Variants in STK3 observed in about 807,000 individuals in gnomAD.
STK3 encodes serine/threonine-protein kinase 3.
In STK3, 41 loss-of-function variants were observed where a neutral mutation model predicts 58.0. The observed-to-expected ratio is 0.71, with a 90% CI of 0.55 to 0.92. The LOEUF is 0.92. Among genes scored for constraint, STK3 ranks in the 40% least tolerant of loss-of-function variants. The pLI is 0.00. For synonymous variants in STK3, 170 were observed against 191.0 expected, an observed-to-expected ratio of 0.89 and a Z score of 0.91; for missense variants, 479 against 602.7, an observed-to-expected ratio of 0.79 and a Z score of 2.15.
intron 7 of STK3, among the ~76,000 whole-genome samples, chr8:98,586,434 C>G (rs916987563): frequency 1.3e-5 from 2 of 150,058 alleles, no homozygotes; most frequent in Non-Finnish European, 3.0e-5. Flanking sequence ...GCCTTGCATC[C>G]CAGGGATGAA....
chr8:98,763,268 C>G lies in STK3; in HGVS notation c.236+3975G>C, dbSNP rs544943489. Among the ~76,000 whole-genome samples, 19 of 152,258 alleles carry G rather than the reference C, an allele frequency of 1.2e-4. 1 individual carries two copies. In the South Asian group the frequency reaches 3.9e-3, roughly 32 times the overall value. ...TACTCATTAAATGTATACTCTGTAC[C>G]TGGTACTGAACTAGGCACTGCACAT... On this transcript the variant is annotated intron_variant, in intron 3 of 10. Transcript: ENST00000419617.
At chr8:98,784,267 C>T (rs1181063844) in intron 1 of STK3, among the ~76,000 whole-genome samples, 1 of 152,228 alleles carries the variant, frequency 6.6e-6, no homozygotes, top group Admixed American at 6.5e-5. Context: ...GCTTCTGGCT[C>T]TGGAGCAGGA....
At chr8:98,724,391 C>T (rs1162826472) in intron 4 of STK3, among the ~76,000 whole-genome samples, 5 of 152,174 alleles carry the variant, frequency 3.3e-5, no homozygotes, top group Admixed American at 3.3e-4. Flanking sequence ...GGGAAAGATA[C>T]ATAAGGCATG....
intron 3 of STK3, among the ~76,000 whole-genome samples, chr8:98,419,819 G>C (rs1818150129): frequency 6.6e-6 from 1 of 152,196 alleles, no homozygotes; most frequent in African/African-American, 2.4e-5. Context: ...CTGTGCAGAG[G>C]TGAAGTCTGC....
chr8:98,834,565 G>T (rs1388350190), intron 3 of STK3, among the ~76,000 whole-genome samples: 1 of 152,324 alleles, frequency 6.6e-6, no homozygotes, highest in African/African-American at 2.4e-5. Context: ...GAGGCTAGGA[G>T]GTCCAAGATC....
chr8:98,919,458 TA>T (rs921027099), intron 1 of STK3, among the ~76,000 whole-genome samples: 10 of 151,120 alleles, frequency 6.6e-5, no homozygotes, highest in African/African-American at 9.7e-5. Context: ...ATCTGAGGTT[TA>T]AAAAAAAATC....
At chr8:98,423,669 C>T (rs961694480) in intron 3 of STK3, among the ~76,000 whole-genome samples, 3 of 152,220 alleles carry the variant, frequency 2.0e-5, no homozygotes, top group African/African-American at 7.2e-5. Flanking sequence ...GAAAGCACCT[C>T]TGTGCTGAAA....
chr8:98,698,281 G>C (rs537514907), intron 6 of STK3, among the ~76,000 whole-genome samples: 3 of 151,628 alleles, frequency 2.0e-5, no homozygotes, highest in South Asian at 2.1e-4. Flanking sequence ...TGGGTTTCCT[G>C]AATACAGCAC....
At chr8:98,607,407 T>C (rs1468671889) in intron 6 of STK3, among the ~76,000 whole-genome samples, 1 of 152,232 alleles carries the variant, frequency 6.6e-6, no homozygotes, top group Non-Finnish European at 1.5e-5. Flanking sequence ...CTAGCACCAA[T>C]GAAGACAGTG....
chr8:98,359,543 A>G, the STK3 span, among the ~76,000 whole-genome samples: 53 of 151,626 alleles, frequency 3.5e-4, no homozygotes, highest in African/African-American at 1.3e-3. Flanking sequence ...AAAAGAAAGA[A>G]AGAAAGAAAA....
At chr8:98,633,487 G>A (rs1412207604) in intron 6 of STK3, 8 of 621,792 alleles carry the variant, frequency 1.3e-5, no homozygotes, top group Non-Finnish European at 1.8e-5. Context: ...AAGGTAGAAC[G>A]ATGGCGGTGG....
At chr8:98,367,966 T>G (rs533728708), downstream of STK3, among the ~76,000 whole-genome samples, 5 of 152,354 alleles carry the variant, frequency 3.3e-5, no homozygotes, top group South Asian at 1.0e-3. Context: ...GTGGGCTGAA[T>G]GCTTTGGTTG....
At chr8:98,652,056 G>A (rs1223994877) in intron 6 of STK3, among the ~76,000 whole-genome samples, 1 of 152,088 alleles carries the variant, frequency 6.6e-6, no homozygotes, top group African/African-American at 2.4e-5. Flanking sequence ...TGAAATGAAG[G>A]AAAAAATGTT....
At chr8:98,421,111 G>T (rs765549554) in intron 3 of STK3, among the ~76,000 whole-genome samples, 1 of 152,198 alleles carries the variant, frequency 6.6e-6, no homozygotes, top group African/African-American at 2.4e-5. Context: ...TGAACGCACC[G>T]GAGGGCCTCA....
At chr8:98,752,539 G>T (rs1354895205) in intron 3 of STK3, among the ~76,000 whole-genome samples, 1 of 151,906 alleles carries the variant, frequency 6.6e-6, no homozygotes, top group Non-Finnish European at 1.5e-5. Flanking sequence ...CAGGACATAG[G>T]CAAAGATTTC....
upstream of STK3, among the ~76,000 whole-genome samples, chr8:98,830,501 G>T (rs1835486746): frequency 6.6e-6 from 1 of 152,158 alleles, no homozygotes; most frequent in Non-Finnish European, 1.5e-5. Flanking sequence ...AAAAAAAAAT[G>T]CTTCAAGCTT....
At chr8:98,599,544 C>A (rs762527395) in intron 6 of STK3, among the ~76,000 whole-genome samples, 3 of 151,968 alleles carry the variant, frequency 2.0e-5, no homozygotes, top group South Asian at 2.1e-4. Flanking sequence ...ATTAAAAAAC[C>A]CTGGCACTCT....
intron 1 of STK3, among the ~76,000 whole-genome samples, chr8:98,898,587 C>T (rs1447567896): frequency 1.3e-5 from 2 of 152,144 alleles, no homozygotes; most frequent in Admixed American, 1.3e-4. Context: ...CAAATACTGA[C>T]AATCAATATA....
chr8:98,792,286 T>C (rs1412088711), intron 1 of STK3, among the ~76,000 whole-genome samples: 2 of 152,140 alleles, frequency 1.3e-5, no homozygotes, highest in African/African-American at 4.8e-5. Flanking sequence ...ACAATGGCCA[T>C]AATCAAAAAA....
Sources: allele counts gnomAD v4.1 joint callset (sites outside exome capture counted in the v4.1 genomes callset), GRCh38; gene constraint gnomAD v4.1.1; transcripts MANE v1.5; gene names NCBI Gene and HGNC (gene_info 2026-07-23, HGNC 2026-07-21).